Variants in CAMKMT observed in about 807,000 individuals in gnomAD.
The protein encoded by CAMKMT is CaM KMT.
In CAMKMT, 53 loss-of-function variants were observed where a neutral mutation model predicts 48.0. The observed-to-expected ratio is 1.10, with a 90% confidence interval of 0.89 to 1.39. CAMKMT has a LOEUF of 1.39. Among genes scored for constraint, CAMKMT ranks in the 40% most tolerant of loss-of-function variants. CAMKMT has a pLI of 0.00. For missense variants in CAMKMT, 428 were observed against 402.7 expected, an observed-to-expected ratio of 1.06 and a Z score of -0.54; for synonymous variants, 165 against 152.3, an observed-to-expected ratio of 1.08 and a Z score of -0.61.
chr2:44,372,934 T>A (rs747133597), intron 2 of CAMKMT, 46 bp downstream of exon 2: 1 of 1,493,108 alleles, frequency 6.7e-7, no homozygotes, highest in Non-Finnish European at 9.2e-7. Flanking sequence ...AGATTTCTCT[T>A]GGATAAGAAA....
chr2:44,363,183 T>C (rs529825550), intron 1 of CAMKMT, among the ~76,000 whole-genome samples: 7 of 152,340 alleles, frequency 4.6e-5, no homozygotes, highest in African/African-American at 1.7e-4. Flanking sequence ...TGCTGATACA[T>C]TGACAGTCTT....
At chr2:44,546,199 A>ATG (rs1667392831) in intron 3 of CAMKMT, among the ~76,000 whole-genome samples, 1 of 144,884 alleles carries the variant, frequency 6.9e-6, no homozygotes, top group Non-Finnish European at 1.5e-5. Context: ...ACACACACAC[A>ATG]CACATACATG....
intron 9 of CAMKMT, among the ~76,000 whole-genome samples, chr2:44,764,415 A>G (rs1285929886): frequency 1.3e-5 from 2 of 152,026 alleles, no homozygotes; most frequent in Admixed American, 1.3e-4. Flanking sequence ...CACATTCTGT[A>G]TTTGATCCTC....
chr2:44,493,795 G>A (rs918321408), intron 3 of CAMKMT, among the ~76,000 whole-genome samples: 6 of 152,064 alleles, frequency 3.9e-5, no homozygotes, highest in African/African-American at 9.7e-5. Flanking sequence ...AGAAAATTAC[G>A]AAATTGTAAT....
intron 3 of CAMKMT, among the ~76,000 whole-genome samples, chr2:44,488,900 C>T (rs1354431724): frequency 1.3e-5 from 2 of 149,006 alleles, no homozygotes; most frequent in Non-Finnish European, 3.0e-5. Flanking sequence ...GAGTCCCTTT[C>T]CATTGCCCAG....
rs1007902664 is a variant in CAMKMT, at chr2:44,683,592, G to A, written c.377-20691G>A. 3.3e-5 allele frequency among the ~76,000 whole-genome samples: 5 copies of A among 152,024 alleles called. No individual in the cohort carries two copies. In the South Asian group the frequency reaches 1.0e-3, roughly 32 times the overall value. ...TCCCAGCACTTTGGGAGGCCGAGGC[G>A]GGCGGATCGCAAGGTCAGGAGATCA... On this transcript the variant is annotated intron_variant, in intron 3 of 10. Transcript: ENST00000378494.
At chr2:44,655,541 G>A (rs1674331300) in intron 3 of CAMKMT, among the ~76,000 whole-genome samples, 1 of 152,140 alleles carries the variant, frequency 6.6e-6, no homozygotes, top group Non-Finnish European at 1.5e-5. Context: ...TTAAGTGAAA[G>A]TGACTCATTA....
At chr2:44,638,893 A>G (rs1226336961) in intron 3 of CAMKMT, among the ~76,000 whole-genome samples, 3 of 152,214 alleles carry the variant, frequency 2.0e-5, no homozygotes, top group Non-Finnish European at 4.4e-5. Flanking sequence ...AGAGGGGCAG[A>G]ACCGACACTT....
chr2:44,597,414 C>T (rs1322013261), intron 3 of CAMKMT, among the ~76,000 whole-genome samples: 2 of 152,152 alleles, frequency 1.3e-5, no homozygotes, highest in African/African-American at 4.8e-5. Context: ...TAACATCAGC[C>T]AGTGATATAC....
chr2:44,492,359 TA>T (rs1360268127), intron 3 of CAMKMT, among the ~76,000 whole-genome samples: 2 of 152,236 alleles, frequency 1.3e-5, no homozygotes, highest in African/African-American at 4.8e-5. Flanking sequence ...TTTATTTTCA[TA>T]TTTTTTGATA....
intron 2 of CAMKMT, among the ~76,000 whole-genome samples, chr2:44,381,485 G>C (rs900018684): frequency 6.6e-6 from 1 of 152,132 alleles, no homozygotes; most frequent in Non-Finnish European, 1.5e-5. Flanking sequence ...TGTATCTTAA[G>C]TAAACAATCA....
At chr2:44,754,391 T>C (rs1168456697) in intron 9 of CAMKMT, among the ~76,000 whole-genome samples, 1 of 152,216 alleles carries the variant, frequency 6.6e-6, no homozygotes, top group Non-Finnish European at 1.5e-5. Flanking sequence ...TATCAAAGAA[T>C]TTCTTGAGTC....
intron 3 of CAMKMT, among the ~76,000 whole-genome samples, chr2:44,500,345 A>G (rs144963539): frequency 0.013 from 1,925 of 152,292 alleles, 22 homozygotes; most frequent in Non-Finnish European, 0.02. Context: ...CTTATTTAAA[A>G]TATGTTGAAG....
intron 3 of CAMKMT, among the ~76,000 whole-genome samples, chr2:44,438,259 C>T (rs1666408239): frequency 6.6e-6 from 1 of 152,202 alleles, no homozygotes; most frequent in African/African-American, 2.4e-5. Context: ...AGACTTGCAT[C>T]TTCCTACTAT....
chr2:44,439,786 A>T (rs1046181754), intron 3 of CAMKMT, among the ~76,000 whole-genome samples: 5 of 147,816 alleles, frequency 3.4e-5, no homozygotes, highest in African/African-American at 1.3e-4. Context: ...TCCATCTCAT[A>T]AAATAAATAA....
In CAMKMT at chr2:44,717,083, T is replaced by C. The variant is rs991829; in HGVS notation, c.623+1730T>C. On this transcript the variant is annotated intron_variant, in intron 7 of 10. Transcript: ENST00000378494. ...ACATAAACAAGCAAAATGTCATTAT[T>C]CAACAAAGGACATATACCAAATGCT... Among the ~76,000 whole-genome samples, 20 of 152,340 alleles carry C rather than the reference T, an allele frequency of 1.3e-4. No homozygotes were observed. In the South Asian group the frequency reaches 3.9e-3, roughly 30 times the overall value.
At chr2:44,382,876 T>G (rs1680396064) in intron 2 of CAMKMT, among the ~76,000 whole-genome samples, 1 of 152,262 alleles carries the variant, frequency 6.6e-6, no homozygotes, top group East Asian at 1.9e-4. Flanking sequence ...TAATACAGTT[T>G]ACACGTATTC....
At chr2:44,675,087 A>T (rs1996345) in intron 3 of CAMKMT, among the ~76,000 whole-genome samples, 2 of 123,338 alleles carry the variant, frequency 1.6e-5, no homozygotes, top group Admixed American at 1.9e-4. Flanking sequence ...AAGGGGGGGA[A>T]AAAAAAAAAG....
intron 3 of CAMKMT, among the ~76,000 whole-genome samples, chr2:44,634,858 A>G (rs1272825768): frequency 2.0e-5 from 3 of 151,446 alleles, no homozygotes. Context: ...AGAGAGTTAT[A>G]AAATAGCACA....
Sources: gnomAD v4.1 joint callset for allele counts (sites outside exome capture counted in the v4.1 genomes callset) on GRCh38, gnomAD v4.1.1 for gene constraint, MANE v1.5 for transcripts, NCBI Gene and HGNC (gene_info 2026-07-23, HGNC 2026-07-21) for gene names.